Variants in RERE observed in about 807,000 individuals in gnomAD.
RERE encodes the protein arginine-glutamic acid dipeptide repeats.
A neutral mutation model predicts 146.1 loss-of-function variants in RERE; 40 were observed. That is an observed-to-expected ratio of 0.27 (90% CI 0.21 to 0.36). RERE has a LOEUF of 0.36. Among genes scored for constraint, RERE ranks in the 10% least tolerant of loss-of-function variants. RERE has a pLI of 1.00. For missense variants in RERE, 1,933 were observed against 2,138.7 expected (o/e 0.90, Z 1.90); for synonymous variants, 1,003 against 866.0 (o/e 1.16, Z -2.78).
At chr1:8,636,966 A>G (rs1647109449) in intron 2 of RERE, among the ~76,000 whole-genome samples, 1 of 152,030 alleles carries the variant, frequency 6.6e-6, no homozygotes, top group African/African-American at 2.4e-5. Context: ...ATTTTTATAA[A>G]TTATTTTTAA....
chr1:8,605,154 G>A (rs951857798), intron 4 of RERE, among the ~76,000 whole-genome samples: 6 of 151,494 alleles, frequency 4.0e-5, no homozygotes, highest in East Asian at 1.9e-4. Context: ...TTTTTTTCCC[G>A]CAAGACGGAG....
intron 1 of RERE, among the ~76,000 whole-genome samples, chr1:8,761,844 CCCAAGA>C (rs779886509): frequency 2.6e-5 from 4 of 152,238 alleles, no homozygotes; most frequent in South Asian, 4.1e-4. Flanking sequence ...CTCACTTAAA[CCCAAGA>C]GGCGGAGGTT....
At chr1:8,620,190 T>C (rs114853981) in intron 3 of RERE, among the ~76,000 whole-genome samples, 168 of 152,296 alleles carry the variant, frequency 1.1e-3, no homozygotes, top group Middle Eastern at 3.4e-3. Flanking sequence ...GCTCTTTCCA[T>C]TGCAATTCAT....
chr1:8,516,181 C>T lies in RERE; in HGVS notation c.831-7506G>A, dbSNP rs1024583417. Among the ~76,000 whole-genome samples, 78 of 139,642 alleles carry T rather than the reference C, an allele frequency of 5.6e-4. 2 individuals are homozygous for T. The highest frequency in any genetic ancestry group is 1.8e-3 in the African/African-American group (65 of 36,162). 91.6% of individuals were successfully genotyped at this position (139,642 alleles called of 152,430 possible). On this transcript the variant is annotated intron_variant, in intron 7 of 22. Transcript: ENST00000400908. ...TGGAGGCTGCAGAGAGCCGAGATCCCGCCAGTGTACTCCAGCCTGGGGGAC... is the reference window on the plus strand; with the variant it reads ...TGGAGGCTGCAGAGAGCCGAGATCCTGCCAGTGTACTCCAGCCTGGGGGAC...
chr1:8,724,358 A>C (rs1639917329), intron 1 of RERE, among the ~76,000 whole-genome samples: 1 of 152,030 alleles, frequency 6.6e-6, no homozygotes, highest in Admixed American at 6.6e-5. Context: ...ATACAGAGAG[A>C]CTCTGCCGAT....
intron 2 of RERE, among the ~76,000 whole-genome samples, chr1:8,630,425 A>G (rs576320127): frequency 1.2e-4 from 18 of 152,328 alleles, no homozygotes; most frequent in African/African-American, 4.3e-4. Context: ...GAAGAGAGAG[A>G]TCCTAGCAAG....
chr1:8,621,676 C>T (rs568046765), intron 3 of RERE, among the ~76,000 whole-genome samples: 2 of 152,278 alleles, frequency 1.3e-5, no homozygotes, highest in South Asian at 2.1e-4. Context: ...CATTTCAAAG[C>T]CATCGGGTTT....
intron 11 of RERE, chr1:8,434,573 G>A (rs1460080129): frequency 6.6e-6 from 1 of 152,094 alleles, no homozygotes; most frequent in African/African-American, 2.4e-5. Flanking sequence ...TTGACAGGTG[G>A]GTCTCTCTGT....
chr1:8,790,538 T>C (rs1641345290), intron 1 of RERE, among the ~76,000 whole-genome samples: 2 of 152,202 alleles, frequency 1.3e-5, no homozygotes, highest in African/African-American at 4.8e-5. Flanking sequence ...TTTACAGTTT[T>C]TCAAATCCTT....
At chr1:8,499,494 G>A (rs1645100103) in intron 8 of RERE, among the ~76,000 whole-genome samples, 1 of 152,216 alleles carries the variant, frequency 6.6e-6, no homozygotes, top group Non-Finnish European at 1.5e-5. Context: ...TGCCACACAG[G>A]AATGGGACCC....
chr1:8,544,480 A>G (rs116215107), intron 6 of RERE, among the ~76,000 whole-genome samples: 2,523 of 152,348 alleles, frequency 0.017, 28 homozygotes, highest in Non-Finnish European at 0.027. Flanking sequence ...AATACCATGG[A>G]CAAATCTCAA....
At position 8,817,633 on chromosome 1, in the gene RERE, G is replaced by C. The variant is rs1454832964; in HGVS notation, c.-618C>G. ...CTCCGGAGCGCGGAGGGTTGCTCGC[G>C]AGCGTCTGTGGGAACAGCGGCACCT... is the stretch of plus-strand genomic sequence containing the variant. On this transcript the variant is annotated 5_prime_UTR_variant, in exon 1 of 23. Coordinates refer to ENST00000400908, the MANE Select transcript of RERE (RefSeq NM_001042681.2). 1 of 151,164 alleles carries C rather than the reference G, an allele frequency of 6.6e-6. No individual in the cohort carries two copies. Among genetic ancestry groups the C allele is most frequent in the African/African-American group, 2.4e-5 (1 of 41,214 alleles). The allele number at this position is 151,164 out of a possible 1,614,324, so 9.4% of individuals were successfully genotyped here.
chr1:8,601,732 G>C (rs889412457), intron 4 of RERE, among the ~76,000 whole-genome samples: 5 of 90,418 alleles, frequency 5.5e-5, no homozygotes, highest in African/African-American at 9.2e-5. Context: ...TCATGTCCAA[G>C]GTCAACACAC....
Position 8,356,567 on chromosome 1 carries a change from C to G in RERE, c.4340-321G>C, listed in dbSNP as rs1238427008. ...CAGCAGGGTCCCTCTCGCCGGCCAC[C>G]TGGGCCTGCCCTCTGCCTGTCAGGT... On this transcript the variant is annotated intron_variant, in intron 20 of 22. Coordinates refer to ENST00000400908, the MANE Select transcript of RERE (RefSeq NM_001042681.2). The surrounding 1 kb of genome is among the most constrained non-coding windows in gnomAD (Gnocchi z 5.2). Among the ~76,000 whole-genome samples, 8 of 152,226 alleles carry G rather than the reference C, an allele frequency of 5.3e-5. No individual in the cohort carries two copies. The highest frequency in any genetic ancestry group is 1.7e-4 in the African/African-American group (7 of 41,464).
chr1:8,629,849 A>ATT (rs1374473328), intron 2 of RERE, among the ~76,000 whole-genome samples: 1 of 152,240 alleles, frequency 6.6e-6, no homozygotes, highest in Admixed American at 6.5e-5. Flanking sequence ...TTTGCAAAGC[A>ATT]TGGCAGTGCC....
chr1:8,377,480 C>T (rs1169275212), intron 12 of RERE, among the ~76,000 whole-genome samples: 1 of 152,014 alleles, frequency 6.6e-6, no homozygotes, highest in Non-Finnish European at 1.5e-5. Flanking sequence ...TCATTATTTC[C>T]TGAATTCATT....
intron 12 of RERE, among the ~76,000 whole-genome samples, chr1:8,398,199 G>T (rs1643121509): frequency 6.6e-6 from 1 of 152,248 alleles, no homozygotes; most frequent in Non-Finnish European, 1.5e-5. Context: ...AACACTGCAG[G>T]AAGAAATGGC....
intron 7 of RERE, among the ~76,000 whole-genome samples, chr1:8,530,762 G>A (rs2124366462): frequency 6.9e-6 from 1 of 145,042 alleles, no homozygotes; most frequent in East Asian, 2.0e-4. Flanking sequence ...CGCAATCTCG[G>A]CTCACTGCAA....
chr1:8,803,951 T>G (rs1641636785), intron 1 of RERE, among the ~76,000 whole-genome samples: 2 of 152,130 alleles, frequency 1.3e-5, no homozygotes, highest in Non-Finnish European at 2.9e-5. Context: ...GCTAAACCAT[T>G]CCAACCAAAA....
Sources: allele counts gnomAD v4.1 joint callset (sites outside exome capture counted in the v4.1 genomes callset), GRCh38; gene constraint gnomAD v4.1.1; non-coding constraint Gnocchi (gnomAD v3.1); transcripts MANE v1.5; gene names NCBI Gene and HGNC (gene_info 2026-07-23, HGNC 2026-07-21).